The following ERBB4 variants were observed in gnomAD, a reference collection of about 807,000 sequenced individuals.
The protein encoded by ERBB4 is erb-b2 receptor tyrosine kinase 4.
In ERBB4, 42 loss-of-function variants were observed where a neutral mutation model predicts 158.0. That is an observed-to-expected ratio of 0.27 (90% CI 0.21 to 0.34). The LOEUF (loss-of-function observed/expected upper bound fraction) is 0.34, where lower values mean the gene tolerates loss of function less well. ERBB4 is among the 10% of genes least tolerant of loss of function. ERBB4 has a pLI of 1.00. For missense variants in ERBB4, 1,333 were observed against 1,624.1 expected (o/e 0.82, Z 3.08); for synonymous variants, 583 against 558.7 (o/e 1.04, Z -0.61).
intron 3 of ERBB4, among the ~76,000 whole-genome samples, chr2:211,887,255 C>T (rs1265155754): frequency 8.9e-6 from 1 of 112,024 alleles, no homozygotes; most frequent in Non-Finnish European, 1.9e-5. Flanking sequence ...CAGAGGATTA[C>T]ACACACACAC....
At chr2:211,997,694 G>A (rs570628616) in intron 2 of ERBB4, among the ~76,000 whole-genome samples, 1 of 151,826 alleles carries the variant, frequency 6.6e-6, no homozygotes, top group African/African-American at 2.4e-5. Flanking sequence ...CTTCCCCTCT[G>A]TCCTTTACTG....
chr2:211,560,712 A>G lies in ERBB4; in HGVS notation c.2487+1191T>C, dbSNP rs1007033100. On this transcript the variant is annotated intron_variant, in intron 20 of 27. Transcript: ENST00000342788. ...GCTATATTTCAAACTTCATTGCCAT[A>G]AAGAATCCTCACAGTTGCAGTTATT... Among the ~76,000 whole-genome samples the G allele has an allele frequency of 3.9e-5, 6 of 152,208 alleles. No individual in the cohort carries two copies. The South Asian group carries it at 8.3e-4, about 21-fold the overall frequency.
At chr2:212,257,553 G>A (rs2084784675) in intron 1 of ERBB4, among the ~76,000 whole-genome samples, 1 of 152,012 alleles carries the variant, frequency 6.6e-6, no homozygotes, top group Non-Finnish European at 1.5e-5. Context: ...ATTCCTGAAA[G>A]ACAGCTTTTA....
chr2:212,385,564 CAA>C (rs1161498888), intron 1 of ERBB4, among the ~76,000 whole-genome samples: 1 of 151,850 alleles, frequency 6.6e-6, no homozygotes, highest in Non-Finnish European at 1.5e-5. Flanking sequence ...TTTTCAAAAT[CAA>C]GTTTATGCTC....
At chr2:212,483,117 C>T (rs1467526801) in intron 1 of ERBB4, among the ~76,000 whole-genome samples, 4 of 152,146 alleles carry the variant, frequency 2.6e-5, no homozygotes, top group Non-Finnish European at 4.4e-5. Flanking sequence ...AAGACAGGTA[C>T]CCACAGAGTG....
At chr2:212,369,009 T>A (rs182166746) in intron 1 of ERBB4, among the ~76,000 whole-genome samples, 286 of 152,168 alleles carry the variant, frequency 1.9e-3, no homozygotes, top group African/African-American at 5.3e-3. Flanking sequence ...TGTAACACTA[T>A]CCCCAGTGCA....
At chr2:211,937,903 A>G (rs996804054) in intron 3 of ERBB4, among the ~76,000 whole-genome samples, 6 of 152,126 alleles carry the variant, frequency 3.9e-5, no homozygotes, top group African/African-American at 1.4e-4. Flanking sequence ...TACTGTGGAA[A>G]CTAAAGGTGA....
chr2:211,919,549 T>C (rs750407520), intron 3 of ERBB4, among the ~76,000 whole-genome samples: 1 of 151,136 alleles, frequency 6.6e-6, no homozygotes, highest in Non-Finnish European at 1.5e-5. Context: ...ACACGCAGAG[T>C]TCTTATTTAA....
At chr2:211,988,338 C>T (rs780371548) in intron 2 of ERBB4, among the ~76,000 whole-genome samples, 2 of 151,982 alleles carry the variant, frequency 1.3e-5, no homozygotes, top group African/African-American at 2.4e-5. Context: ...AAGCCTCATC[C>T]CCTTATCCAT....
chr2:211,488,093 C>T (rs992446469), intron 20 of ERBB4, among the ~76,000 whole-genome samples: 1 of 151,740 alleles, frequency 6.6e-6, no homozygotes, highest in Non-Finnish European at 1.5e-5. Flanking sequence ...TTCTAAAATA[C>T]TAACAGAGCA....
Position 212,538,466 on chromosome 2 carries a change from G to A in ERBB4, c.65C>T (p.Pro22Leu), listed in dbSNP as rs1300045748. Reference sequence around the variant, plus strand: ...GAACCCACCTGACTGAGAATCGCTGGGCTGGACGGTCCCCGCCGCCACGAG... The same window carrying A: ...GAACCCACCTGACTGAGAATCGCTGAGCTGGACGGTCCCCGCCGCCACGAG... ...SLLVAAGTVQ[P>L]SDSQSVCAGT... is the part of the protein sequence containing the mutation. The change falls in exon 1 of 28, where the codon CCC becomes CTC. Residue 22 changes from proline (P) to leucine (L), a missense_variant. By Grantham distance (98) the Pro-to-Leu change is moderately conservative. Transcript: ENST00000342788. 3 of 1,613,826 alleles carry A rather than the reference G, an allele frequency of 1.9e-6. No individual in the cohort carries two copies. Among genetic ancestry groups the A allele is most frequent in the Non-Finnish European group, 1.7e-6 (2 of 1,179,868 alleles).
rs901214820 is a variant in ERBB4, at chr2:211,518,483, G to C, written c.2487+43420C>G. 9.9e-5 allele frequency among the ~76,000 whole-genome samples: 15 copies of C among 152,132 alleles called. No homozygotes were observed. The East Asian group carries it at 2.9e-3, about 30-fold the overall frequency. ...AGCTTGACCAATATGGTGAAACCCT[G>C]TCTCTACTAAAAATACCAAAATTAG... On this transcript the variant is annotated intron_variant, in intron 20 of 27. Coordinates refer to ENST00000342788, the MANE Select transcript of ERBB4 (RefSeq NM_005235.3).
rs1018426460 is a variant in ERBB4 at position 211,382,275 on chromosome 2, C to T, written c.*1340G>A. ...CAATCCTTACTCGCATTCCTTCTTACGAAGTATACGAACTGAACAAATTTC... is the reference window on the plus strand; with the variant it reads ...CAATCCTTACTCGCATTCCTTCTTATGAAGTATACGAACTGAACAAATTTC... On this transcript the variant is annotated 3_prime_UTR_variant, in exon 28 of 28. Coordinates refer to ENST00000342788, the MANE Select transcript of ERBB4 (RefSeq NM_005235.3). 11 of 231,782 alleles carry T rather than the reference C, an allele frequency of 4.7e-5. No individual in the cohort carries two copies. The highest frequency in any genetic ancestry group is 1.8e-4 in the African/African-American group (8 of 45,276). The allele number at this position is 231,782 out of a possible 1,614,324, so 14.4% of individuals were successfully genotyped here.
chr2:212,298,869 G>A (rs16848215), intron 1 of ERBB4, among the ~76,000 whole-genome samples: 2,641 of 151,602 alleles, frequency 0.017, 82 homozygotes, highest in African/African-American at 0.061. Flanking sequence ...CCTCAAAACT[G>A]GGAGGAATAA....
At chr2:211,471,201 T>C (rs1393268795) in intron 20 of ERBB4, among the ~76,000 whole-genome samples, 3 of 151,818 alleles carry the variant, frequency 2.0e-5, no homozygotes, top group African/African-American at 4.8e-5. Flanking sequence ...GGGAGAAGAA[T>C]CAAAGAGCAT....
chr2:212,380,019 G>A (rs983745110), intron 1 of ERBB4, among the ~76,000 whole-genome samples: 11 of 151,518 alleles, frequency 7.3e-5, no homozygotes, highest in African/African-American at 2.7e-4. Context: ...TGTTCAAGTA[G>A]TAGGGCTAAG....
chr2:211,740,533 C>G (rs1009995667), intron 5 of ERBB4, among the ~76,000 whole-genome samples: 1 of 151,340 alleles, frequency 6.6e-6, no homozygotes, highest in East Asian at 1.9e-4. Context: ...ATCCAGTTAC[C>G]CCTTCTTATC....
In ERBB4 at chr2:211,711,978, A is replaced by C. The variant is rs1482769744; in HGVS notation, c.1124+72T>G. On this transcript the variant is annotated intron_variant, in intron 9 of 27. Transcript: ENST00000342788. ...CTTCAGCTTCCAGAGGAATCAAATAAACAAAACTAAAGAATCTCTTCAGTT... is the reference window on the plus strand; with the variant it reads ...CTTCAGCTTCCAGAGGAATCAAATACACAAAACTAAAGAATCTCTTCAGTT... 3.7e-6 allele frequency: 5 copies of C among 1,342,376 alleles called. No individual in the cohort carries two copies. The African/African-American group carries it at 7.2e-5, about 19-fold the overall frequency. The allele number at this position is 1,342,376 out of a possible 1,614,324, so 83.2% of individuals were successfully genotyped here.
chr2:212,024,426 T>A (rs1487972286), intron 2 of ERBB4, among the ~76,000 whole-genome samples: 1 of 151,894 alleles, frequency 6.6e-6, no homozygotes, highest in Non-Finnish European at 1.5e-5. Flanking sequence ...AGAAAATCAA[T>A]GTTAATAACC....
Sources: gnomAD v4.1 joint callset for allele counts (sites outside exome capture counted in the v4.1 genomes callset) on GRCh38, gnomAD v4.1.1 for gene constraint, MANE v1.5 for transcripts, NCBI Gene and HGNC (gene_info 2026-07-23, HGNC 2026-07-21) for gene names.